Variants in PSME1 observed in about 807,000 individuals in gnomAD.
The protein encoded by PSME1 is proteasome activator subunit 1.
In PSME1, 15 loss-of-function variants were observed where a neutral mutation model predicts 38.4. The observed-to-expected ratio is 0.39, with a 90% CI of 0.26 to 0.60. The LOEUF is 0.60. Ranked by LOEUF, PSME1 falls within the 20% of genes least tolerant of loss-of-function variation. The probability of loss-of-function intolerance (pLI) is 0.53; values close to 1 mark genes in which losing one functional copy is unlikely to be tolerated. For missense variants in PSME1, 249 were observed against 305.6 expected (o/e 0.81, Z 1.38); for synonymous variants, 106 against 106.8 (o/e 0.99, Z 0.05).
In PSME1 at chr14:24,137,581, A is replaced by G. The variant is rs1375700115; in HGVS notation, c.292+16A>G. On this transcript the variant is annotated intron_variant, in intron 5 of 10. Transcript: ENST00000206451. ...GAAGACAAAGGTACTTGAAACCACA[A>G]TGGTGGGAAGAGACTTGAGTCCCAC... 1 of 1,614,002 alleles carries G rather than the reference A, an allele frequency of 6.2e-7. No homozygotes were observed. Among genetic ancestry groups the G allele is most frequent in the Non-Finnish European group, 8.5e-7 (1 of 1,179,862 alleles).
rs370908296 is a variant in PSME1, at chr14:24,137,093, G to T, written c.73-50G>T. The T allele has an allele frequency of 6.9e-5, 112 of 1,613,628 alleles. No homozygotes were observed. In the East Asian group the frequency reaches 2.3e-3, roughly 34 times the overall value. On this transcript the variant is annotated intron_variant, in intron 2 of 10. Transcript: ENST00000206451. ...TCAACCCTGCCTCACTACCTAGGAC[G>T]GGCATTTGATGCTGACTCCCATCCT...
rs1367003434 is a variant in PSME1, at chr14:24,136,397, CG to C, written c.39+101del. The C allele has an allele frequency of 3.2e-6, 4 of 1,255,812 alleles. No individual in the cohort carries two copies. The highest frequency in any genetic ancestry group is 3.1e-6 in the Non-Finnish European group (3 of 955,490). The allele number at this position is 1,255,812 out of a possible 1,614,324, so 77.8% of individuals were successfully genotyped here. A position where few individuals can be genotyped will look rare whatever the true frequency, so the allele number is the denominator to read the frequency against. ...CCGCCCCCCAGGCTCCCACGCGAGT[CG>C]GGGGCAGTCGGCCGAGCTGGCGCGC... On this transcript the variant is annotated intron_variant, in intron 1 of 10. Coordinates refer to ENST00000206451, the MANE Select transcript of PSME1 (RefSeq NM_006263.4). The surrounding 1 kb of genome is among the most constrained non-coding windows in gnomAD (Gnocchi z 4.8).
At position 24,136,989 on chromosome 14, in the gene PSME1, A is replaced by G; in HGVS notation, c.44A>G (p.Asp15Gly). ...RVQPEAQAKV[D>G]VFREDLCTKT... ...AGGGATGCGTGTGCCCCACAGGTGG[A>G]TGTGTTTCGTGAAGACCTCTGTACC... The change falls in exon 2 of 11, where the codon GAT (aspartate) becomes GGT (glycine). Residue 15 changes from aspartate to glycine, a missense_variant. Asp to Gly is a moderately conservative substitution (Grantham distance 94). Transcript: ENST00000206451. The surrounding 1 kb of genome is among the most constrained non-coding windows in gnomAD (Gnocchi z 4.8). The G allele has an allele frequency of 1.2e-6, 2 of 1,614,120 alleles. No homozygotes were observed. Among genetic ancestry groups the G allele is most frequent in the Non-Finnish European group, 1.7e-6 (2 of 1,180,028 alleles).
chr14:24,137,105 C>G lies in PSME1; in HGVS notation c.73-38C>G, dbSNP rs751057011. The G allele has an allele frequency of 4.3e-6, 7 of 1,613,650 alleles. No homozygotes were observed. The African/African-American group carries it at 8.0e-5, about 18-fold the overall frequency. On this transcript the variant is annotated intron_variant, in intron 2 of 10. Transcript: ENST00000206451. The stretch of plus-strand genomic sequence containing the variant: ...CACTACCTAGGACGGGCATTTGATG[C>G]TGACTCCCATCCTCCTCCACCCCCA...
In PSME1 at chr14:24,137,591, G is replaced by T. The variant is rs544896854; in HGVS notation, c.292+26G>T. 8.7e-6 allele frequency: 14 copies of T among 1,613,756 alleles called. No homozygotes were observed. The African/African-American group carries it at 1.9e-4, about 22-fold the overall frequency. On this transcript the variant is annotated intron_variant, in intron 5 of 10. Coordinates refer to ENST00000206451, the MANE Select transcript of PSME1 (RefSeq NM_006263.4). ...GTACTTGAAACCACAATGGTGGGAAGAGACTTGAGTCCCACTCACAGGAGC... is the reference window on the plus strand; with the variant it reads ...GTACTTGAAACCACAATGGTGGGAATAGACTTGAGTCCCACTCACAGGAGC...
chr14:24,137,119 C>T (rs991336035), intron 2 of PSME1, 24 bp from the exon 3 acceptor site: 18 of 1,613,962 alleles, frequency 1.1e-5, no homozygotes, highest in African/African-American at 1.3e-5. Context: ...CTCCCATCCT[C>T]CTCCACCCCC....
intron 8 of PSME1, 28 bp downstream of exon 8, chr14:24,138,291 T>A (rs751951753): frequency 6.2e-7 from 1 of 1,614,006 alleles, no homozygotes; most frequent in Non-Finnish European, 8.5e-7. Flanking sequence ...TGCACACTGT[T>A]TTTGTTTTGG....
rs2037910340 is a variant in PSME1, at chr14:24,136,837, A to G, written c.40-148A>G. 1 of 868,150 alleles carries G rather than the reference A, an allele frequency of 1.2e-6. No homozygotes were observed. Among genetic ancestry groups the G allele is most frequent in the South Asian group, 1.5e-5 (1 of 67,778 alleles). 53.8% of individuals were successfully genotyped at this position (868,150 alleles called of 1,614,324 possible). On this transcript the variant is annotated intron_variant, in intron 1 of 10. Transcript: ENST00000206451. The surrounding 1 kb of genome is among the most constrained non-coding windows in gnomAD (Gnocchi z 4.8). ...TCTCCACCACCCCAACCCACCCTAC[A>G]GGCATCCATCTCGCTTTCTTCAGGT...
chr14:24,136,352 CGGCCGGGG>C lies in PSME1; in HGVS notation c.39+53_39+60del. ...GCCCACTGGGGAGGCGTGGCTGGAG[CGGCCGGGG>C]GCATCCCCGACCCGCCCCCCAGGCT... is the stretch of plus-strand genomic sequence containing the variant. On this transcript the variant is annotated intron_variant, in intron 1 of 10. Coordinates refer to ENST00000206451, the MANE Select transcript of PSME1 (RefSeq NM_006263.4). The surrounding 1 kb of genome is among the most constrained non-coding windows in gnomAD (Gnocchi z 4.8). 6.8e-7 allele frequency: 1 copy of C among 1,469,960 alleles called. No homozygotes were observed. The highest frequency in any genetic ancestry group is 9.0e-7 in the Non-Finnish European group (1 of 1,107,344). 91.1% of individuals were successfully genotyped at this position (1,469,960 alleles called of 1,614,324 possible).
rs765545484 is a variant in PSME1 at position 24,138,526 on chromosome 14, T to G, written c.635T>G (p.Ile212Ser). The part of the protein sequence containing the change: ...HELDEAEYRD[I>S]RLMVMEIRNA... ...CTGGATGAGGCAGAGTACCGGGACA[T>G]CCGGCTGATGGTCATGGAGATCCGC... Residue 212 changes from isoleucine to serine, a missense_variant, in exon 10 of 11, where the codon ATC (isoleucine) becomes AGC (serine). Physicochemically the swap from Ile to Ser is moderately radical, Grantham distance 142 (BLOSUM62 -2). Coordinates refer to ENST00000206451, the MANE Select transcript of PSME1 (RefSeq NM_006263.4). 6.2e-7 allele frequency: 1 copy of G among 1,614,006 alleles called. No individual in the cohort carries two copies. The highest frequency in any genetic ancestry group is 1.1e-5 in the South Asian group (1 of 91,086).
chr14:24,138,066 G>A lies in PSME1; in HGVS notation c.408G>A (p.Gln136=). 6 of 1,614,238 alleles carry A rather than the reference G, an allele frequency of 3.7e-6. No individual in the cohort carries two copies. The highest frequency in any genetic ancestry group is 5.1e-6 in the Non-Finnish European group (6 of 1,180,032). Residue 136 remains glutamine, a synonymous_variant, in exon 7 of 11, where the codon CAG becomes CAA. Transcript: ENST00000206451. ...EQLNLVTTWL[Q]LQIPRIEDGN... ...CTTCCCAGGTCACCACCTGGTTGCA[G>A]CTGCAGATACCTCGGATTGAGGATG...
Position 24,136,370 on chromosome 14 carries a change from A to C in PSME1, c.39+69A>C, listed in dbSNP as rs557284323. 1,462 of 1,400,228 alleles carry C rather than the reference A, an allele frequency of 1.0e-3. 18 individuals carry two copies. In the South Asian group the frequency reaches 0.019, roughly 18 times the overall value. 86.7% of individuals were successfully genotyped at this position (1,400,228 alleles called of 1,614,324 possible). A position where few individuals can be genotyped will look rare whatever the true frequency, so the allele number is the denominator to read the frequency against. The stretch of plus-strand genomic sequence containing the variant: ...GCTGGAGCGGCCGGGGGCATCCCCG[A>C]CCCGCCCCCCAGGCTCCCACGCGAG... On this transcript the variant is annotated intron_variant, in intron 1 of 10. Coordinates refer to ENST00000206451, the MANE Select transcript of PSME1 (RefSeq NM_006263.4). This position sits in a 1 kb window ranked among gnomAD's most constrained non-coding sequence, Gnocchi z 4.8.
In PSME1 at chr14:24,136,313, G is replaced by A. The variant is rs534791397; in HGVS notation, c.39+12G>A. On this transcript the variant is annotated intron_variant, in intron 1 of 10. Transcript: ENST00000206451. This position sits in a 1 kb window ranked among gnomAD's most constrained non-coding sequence, Gnocchi z 4.8. ...AGGCCCAAGCCAAGGTGAGCGCCGC[G>A]GGGTCTAGAAAGGGCCCACTGGGGA... 3 of 1,521,828 alleles carry A rather than the reference G, an allele frequency of 2.0e-6. No individual in the cohort carries two copies. The East Asian group carries it at 8.3e-5, about 42-fold the overall frequency. The allele number at this position is 1,521,828 out of a possible 1,614,324, so 94.3% of individuals were successfully genotyped here. A position where few individuals can be genotyped will look rare whatever the true frequency, so the allele number is the denominator to read the frequency against.
At position 24,138,125 on chromosome 14, in the gene PSME1, C is replaced by G; in HGVS notation, c.459+8C>G. 6.2e-7 allele frequency: 1 copy of G among 1,614,134 alleles called. No individual in the cohort carries two copies. Among genetic ancestry groups the G allele is most frequent in the Non-Finnish European group, 8.5e-7 (1 of 1,179,976 alleles). The stretch of plus-strand genomic sequence containing the variant: ...TTTGGAGTGGCTGTCCAGGTGAGAG[C>G]GCTGCCCCACTTCCCTGCTCTTTTC... On this transcript the variant is annotated splice_region_variant and intron_variant, in intron 7 of 10. Coordinates refer to ENST00000206451, the MANE Select transcript of PSME1 (RefSeq NM_006263.4).
Position 24,138,959 on chromosome 14 carries a change from T to C in PSME1, c.*143T>C, listed in dbSNP as rs771134199. The C allele has an allele frequency of 1.2e-6, 2 of 1,605,516 alleles. No homozygotes were observed. The highest frequency in any genetic ancestry group is 3.4e-5 in the Admixed American group (2 of 59,640). ...GGCACAATAAATATAGTTATACCACTGCCCATCAGCCCAAGTCTCTTTATT... is the reference window on the plus strand; with the variant it reads ...GGCACAATAAATATAGTTATACCACCGCCCATCAGCCCAAGTCTCTTTATT... On this transcript the variant is annotated 3_prime_UTR_variant, in exon 11 of 11. Transcript: ENST00000206451.
chr14:24,137,898 G>A, intron 6 of PSME1, 101 bp downstream of exon 6: 1 of 1,501,544 alleles, frequency 6.7e-7, no homozygotes, highest in Non-Finnish European at 9.2e-7. Context: ...AGCAAGAGAG[G>A]GCACAGCAAG....
intron 4 of PSME1, 35 bp downstream of exon 4, chr14:24,137,466 T>A: frequency 6.2e-7 from 1 of 1,613,962 alleles, no homozygotes; most frequent in Non-Finnish European, 8.5e-7. Flanking sequence ...GGGATCCAAC[T>A]ATGGGGGTAA....
In PSME1 at chr14:24,137,013, C is replaced by A. The variant is rs781596981; in HGVS notation, c.68C>A (p.Thr23Asn). ...KVDVFREDLC[T>N]KTENLLGSYF... is the part of the protein sequence containing the mutation. ...GATGTGTTTCGTGAAGACCTCTGTA[C>A]CAAGGTAAGACATGCCCCATCAGCG... is the stretch of plus-strand genomic sequence containing the variant. Residue 23 changes from threonine to asparagine, a missense_variant, in exon 2 of 11, where the codon ACC becomes AAC. Transcript: ENST00000206451. 2.5e-6 allele frequency: 4 copies of A among 1,614,048 alleles called. No homozygotes were observed. In the African/African-American group the frequency reaches 5.3e-5, roughly 22 times the overall value.
rs551017239 is a variant in PSME1 at position 24,138,269 on chromosome 14, T to G, written c.527+6T>G. The G allele has an allele frequency of 2.5e-6, 4 of 1,614,112 alleles. No individual in the cohort carries two copies. The African/African-American group carries it at 4.0e-5, about 16-fold the overall frequency. ...TTCCACACTCAAATCTCTAAGTGAG[T>G]GACCACCCATGTGCACACTGTTTTT... On this transcript the variant is annotated splice_donor_region_variant and intron_variant, in intron 8 of 10. Transcript: ENST00000206451.
Sources: gnomAD v4.1 joint callset for allele counts on GRCh38, gnomAD v4.1.1 for gene constraint, Gnocchi (gnomAD v3.1) non-coding constraint, MANE v1.5 for transcripts, NCBI Gene and HGNC (gene_info 2026-07-23, HGNC 2026-07-21) for gene names.